FHL1: variants seen among roughly 807,000 people sequenced by gnomAD.
FHL1 encodes four and a half LIM domains protein 1.
In FHL1, 1 loss-of-function variant was observed where a neutral mutation model predicts 20.3. The ratio of observed to expected loss-of-function variants is 0.05; its 90% CI spans 0.02 to 0.23. The LOEUF is 0.23. FHL1 is among the 10% of genes least tolerant of loss of function. FHL1 has a pLI of 1.00. For missense variants in FHL1, 177 were observed against 234.0 expected (o/e 0.76, Z 1.59); for synonymous variants, 82 against 88.9 (o/e 0.92, Z 0.44).
chrX:136,150,357 T>C (rs1245585896), intron 1 of FHL1, among the ~76,000 whole-genome samples: 1 of 111,978 alleles, frequency 8.9e-6, no homozygotes, highest in Admixed American at 9.5e-5. Context: ...TTCTTCCCCA[T>C]GCCTCTCCTT....
rs1157772788 is a variant in FHL1, at chrX:136,198,530, A to G, written c.22+1396A>G. 4.5e-5 allele frequency among the ~76,000 whole-genome samples: 5 copies of G among 111,720 alleles called. No individual in the cohort carries two copies. In the South Asian group the frequency reaches 1.9e-3, roughly 41 times the overall value. ...ATGATTTTTGAATTCAGGAAATTGCATTTTGTATTGCATTAGGTTAATAGA... is the reference window on the plus strand; with the variant it reads ...ATGATTTTTGAATTCAGGAAATTGCGTTTTGTATTGCATTAGGTTAATAGA... On this transcript the variant is annotated intron_variant, in intron 1 of 5. Transcript: ENST00000370683.
chrX:136,208,054 C>T, intron 4 of FHL1, 93 bp downstream of exon 4: 1 of 999,902 alleles, frequency 1.0e-6, no homozygotes, highest in Non-Finnish European at 1.4e-6. Flanking sequence ...CCATTCCATC[C>T]TCACGACAGC....
chrX:136,200,936 G>C (rs965791427), intron 1 of FHL1, among the ~76,000 whole-genome samples: 8 of 111,462 alleles, frequency 7.2e-5, no homozygotes, highest in African/African-American at 2.6e-4. Flanking sequence ...GGCTGAGGCG[G>C]GTGGATTACT....
chrX:136,206,879 C>G (rs2073854943), intron 2 of FHL1, 137 bp from the exon 3 acceptor site: 1 of 673,802 alleles, frequency 1.5e-6, no homozygotes, highest in African/African-American at 2.2e-5. Flanking sequence ...TAAGAATAGT[C>G]ACTGTGGGGC....
upstream of FHL1, among the ~76,000 whole-genome samples, chrX:136,166,220 A>G (rs28552743): frequency 3.6e-5 from 4 of 111,906 alleles, no homozygotes; most frequent in African/African-American, 1.3e-4. Context: ...ATAAAGTGAA[A>G]TGGAGATACA....
chrX:136,161,429 G>C (rs1359310422), intron 1 of FHL1, among the ~76,000 whole-genome samples: 1 of 112,291 alleles, frequency 8.9e-6, no homozygotes, highest in Middle Eastern at 4.2e-3. Flanking sequence ...TACTGCTGCA[G>C]TGGTTTGTTG....
intron 1 of FHL1, among the ~76,000 whole-genome samples, chrX:136,159,443 G>A (rs1290162050): frequency 1.8e-5 from 2 of 111,947 alleles, no homozygotes; most frequent in Non-Finnish European, 3.8e-5. Flanking sequence ...TCGGGTGGTT[G>A]AGGTGGGAGA....
chrX:136,176,412 T>A (rs1001263443), intron 2 of FHL1, among the ~76,000 whole-genome samples: 1 of 112,543 alleles, frequency 8.9e-6, no homozygotes, highest in African/African-American at 3.2e-5. Context: ...TCTAATTAGG[T>A]CAGTTACTTC....
At chrX:136,167,945 G>A (rs1169542221), upstream of FHL1, 1 of 112,084 alleles carries the variant, frequency 8.9e-6, no homozygotes, top group Non-Finnish European at 1.9e-5. Flanking sequence ...CGAAAGAGAG[G>A]TATATTTGGT....
At chrX:136,157,548 A>C (rs941994864) in intron 1 of FHL1, among the ~76,000 whole-genome samples, 5 of 111,474 alleles carry the variant, frequency 4.5e-5, no homozygotes, top group Non-Finnish European at 9.4e-5. Context: ...TATACCCATG[A>C]AACCACTGCC....
intron 2 of FHL1, among the ~76,000 whole-genome samples, chrX:136,190,158 C>G (rs2073399991): frequency 1.8e-5 from 2 of 111,697 alleles, no homozygotes; most frequent in Non-Finnish European, 3.8e-5. Context: ...GGGGTGTGAT[C>G]TTTCCACGTA....
chrX:136,209,687 G>C (rs888816161), intron 5 of FHL1, among the ~76,000 whole-genome samples, 184 bp from the exon 6 acceptor site: 3 of 109,938 alleles, frequency 2.7e-5, no homozygotes, highest in Admixed American at 9.6e-5. Flanking sequence ...ATGGCGGCGT[G>C]GGGGACTGTG....
rs1396810531 is a variant in FHL1 at position 136,186,881 on chromosome X, TAGATAGATAG to T, written c.-27+16903_-27+16912del. 0.015 allele frequency among the ~76,000 whole-genome samples: 92 copies of T among 5,983 alleles called. 2 individuals are homozygous for T. The South Asian group carries it at 0.19, about 12-fold the overall frequency. 5.2% of individuals were successfully genotyped at this position (5,983 alleles called of 115,157 possible). A position where few individuals can be genotyped will look rare whatever the true frequency, so the allele number is the denominator to read the frequency against. Reference sequence around the variant, plus strand: ...AAAAAAAAAAATATATATATATATATAGATAGATAGATAGATAGATAGATAGATAGATAGA... The same window carrying T: ...AAAAAAAAAAATATATATATATATATATAGATAGATAGATAGATAGATAGA... On this transcript the variant is annotated intron_variant, in intron 2 of 6. Transcript: ENST00000394153.
chrX:136,206,114 A>G (rs1603270173), intron 1 of FHL1: 2 of 400,090 alleles, frequency 5.0e-6, no homozygotes, highest in East Asian at 4.3e-5. Flanking sequence ...CCCGCTCCGC[A>G]TCTTTTGTGA....
At chrX:136,209,544 G>T in intron 5 of FHL1, 1 of 864,429 alleles carries the variant, frequency 1.2e-6, no homozygotes, top group Admixed American at 2.7e-5. Context: ...CTGGGAGGTC[G>T]GTGCGCGTCA....
At chrX:136,153,528 G>T (rs754188306) in intron 1 of FHL1, among the ~76,000 whole-genome samples, 2 of 111,932 alleles carry the variant, frequency 1.8e-5, no homozygotes, top group African/African-American at 6.5e-5. Flanking sequence ...ATGCATGGTG[G>T]TACCATCTGA....
chrX:136,167,261 A>C (rs993714798), upstream of FHL1, among the ~76,000 whole-genome samples: 8 of 111,713 alleles, frequency 7.2e-5, no homozygotes, highest in African/African-American at 2.6e-4. Context: ...GCTGGAGTGC[A>C]GTGGTGCGAT....
At chrX:136,198,989 T>G (rs1229991106) in intron 1 of FHL1, among the ~76,000 whole-genome samples, 1 of 111,612 alleles carries the variant, frequency 9.0e-6, no homozygotes, top group South Asian at 3.8e-4. Context: ...CTTCTTAAAA[T>G]ACAGAAGATT....
intron 2 of FHL1, among the ~76,000 whole-genome samples, chrX:136,191,820 T>C (rs1270880023): frequency 8.9e-6 from 1 of 111,847 alleles, no homozygotes; most frequent in Non-Finnish European, 1.9e-5. Flanking sequence ...TTTCCTATTA[T>C]GGATATTAAC....
Sources: allele counts gnomAD v4.1 joint callset (sites outside exome capture counted in the v4.1 genomes callset), GRCh38; gene constraint gnomAD v4.1.1; transcripts MANE v1.5; gene names NCBI Gene and HGNC (gene_info 2026-07-23, HGNC 2026-07-21).